LRRC47: variants seen among roughly 807,000 people sequenced by gnomAD.
LRRC47 encodes leucine rich repeat containing 47.
Under a neutral mutation model 40.9 loss-of-function variants are expected in LRRC47, and 31 were observed. The observed-to-expected ratio is 0.76, with a 90% CI of 0.57 to 1.02. The LOEUF (loss-of-function observed/expected upper bound fraction) is 1.02, where lower values mean the gene tolerates loss of function less well. Ranked by LOEUF, LRRC47 falls within the 50% of genes least tolerant of loss-of-function variation. The pLI, the probability that LRRC47 is intolerant of heterozygous loss-of-function variation, is 0.00. For synonymous variants in LRRC47, 427 were observed against 371.9 expected (o/e 1.15, Z -1.70); for missense variants, 726 against 796.1 (o/e 0.91, Z 1.06).
chr1:3,794,636 G>A (rs1205879694), intron 1 of LRRC47, among the ~76,000 whole-genome samples: 4 of 151,818 alleles, frequency 2.6e-5, no homozygotes, highest in African/African-American at 7.3e-5. Flanking sequence ...CACCGCGCCC[G>A]GCCAGGGTTT....
intron 4 of LRRC47, chr1:3,783,040 A>G: frequency 2.2e-6 from 1 of 454,938 alleles, no homozygotes; most frequent in Non-Finnish European, 4.0e-6. Flanking sequence ...TCCGGTGCTG[A>G]TCAGTAGTGG....
At position 3,780,411 on chromosome 1, in the gene LRRC47, C is replaced by T. The variant is rs1470590342; in HGVS notation, c.*677G>A. ...GGTAAGTGTCCGTCACTGACCCAGA[C>T]GCTGTTACGTGGCACATGACTGTAC... On this transcript the variant is annotated 3_prime_UTR_variant, in exon 7 of 7. Transcript: ENST00000378251. The T allele has an allele frequency of 3.9e-5, 6 of 152,104 alleles. No homozygotes were observed. Among genetic ancestry groups the T allele is most frequent in the East Asian group, 1.9e-4 (1 of 5,180 alleles). 9.4% of individuals were successfully genotyped at this position (152,104 alleles called of 1,614,324 possible). A position where few individuals can be genotyped will look rare whatever the true frequency, so the allele number is the denominator to read the frequency against.
At position 3,796,261 on chromosome 1, in the gene LRRC47, C is replaced by G; in HGVS notation, c.216G>C (p.Gln72His). ...SLRAPGPGLA[Q>H]GLPQLHSLVL... ...CGAGGCTGTGCAGCTGCGGCAGGCC[C>G]TGCGCCAGGCCAGGCCCCGGCGCGC... is the stretch of plus-strand genomic sequence containing the variant. The change falls in exon 1 of 7, where the codon CAG becomes CAC. Residue 72 changes from glutamine to histidine, a missense_variant. Transcript: ENST00000378251. The G allele has an allele frequency of 1.1e-5, 16 of 1,467,578 alleles. No individual in the cohort carries two copies. Among genetic ancestry groups the G allele is most frequent in the Non-Finnish European group, 1.3e-5 (15 of 1,118,450 alleles). 90.9% of individuals were successfully genotyped at this position (1,467,578 alleles called of 1,614,324 possible).
chr1:3,782,637 A>G (rs771528852), intron 5 of LRRC47, 24 bp downstream of exon 5: 6 of 1,317,658 alleles, frequency 4.6e-6, no homozygotes, highest in South Asian at 3.5e-5. Context: ...AAGACACACC[A>G]TGTTCACACA....
intron 3 of LRRC47, among the ~76,000 whole-genome samples, chr1:3,784,698 C>T (rs939573650): frequency 6.6e-6 from 1 of 152,228 alleles, no homozygotes; most frequent in Non-Finnish European, 1.5e-5. Context: ...GGATCCTACT[C>T]TAAAGAAAAT....
intron 4 of LRRC47, among the ~76,000 whole-genome samples, chr1:3,783,325 C>T (rs1428061083): frequency 8.7e-5 from 13 of 149,360 alleles, no homozygotes; most frequent in African/African-American, 2.7e-4. Context: ...GAGGCTGAGG[C>T]GGCAGAATCG....
intron 1 of LRRC47, among the ~76,000 whole-genome samples, chr1:3,794,251 G>A (rs1391272396): frequency 6.6e-6 from 1 of 152,170 alleles, no homozygotes; most frequent in Non-Finnish European, 1.5e-5. Context: ...GGCTCTACAT[G>A]TGTAAAACTT....
intron 6 of LRRC47, 21 bp downstream of exon 6, chr1:3,781,491 G>A (rs970112984): frequency 1.2e-6 from 2 of 1,610,062 alleles, no homozygotes; most frequent in African/African-American, 1.3e-5. Flanking sequence ...CGTTTCTCAG[G>A]AGGAGCCACC....
chr1:3,790,787 G>T (rs2124613868), intron 1 of LRRC47, among the ~76,000 whole-genome samples: 1 of 152,340 alleles, frequency 6.6e-6, no homozygotes, highest in South Asian at 2.1e-4. Context: ...GCCCAGGCTT[G>T]GGGGTGCTCC....
chr1:3,783,105 C>A, intron 4 of LRRC47: 9 of 180,138 alleles, frequency 5.0e-5, no homozygotes, highest in Middle Eastern at 2.3e-3. Context: ...GGCGCGACCA[C>A]ATCTTAAAAA....
intron 5 of LRRC47, among the ~76,000 whole-genome samples, chr1:3,782,420 G>A (rs958434667): frequency 2.6e-5 from 4 of 152,014 alleles, no homozygotes; most frequent in African/African-American, 9.7e-5. Context: ...TCAGCCTCCC[G>A]AGTAGCTGGG....
At chr1:3,791,133 G>C (rs1643622763) in intron 1 of LRRC47, among the ~76,000 whole-genome samples, 1 of 151,642 alleles carries the variant, frequency 6.6e-6, no homozygotes, top group Middle Eastern at 3.2e-3. Flanking sequence ...CGGCAGCCCA[G>C]CCCTGAGCCC....
At chr1:3,784,238 A>G in intron 3 of LRRC47, 127 bp from the exon 4 acceptor site, 2 of 772,908 alleles carry the variant, frequency 2.6e-6, no homozygotes, top group Admixed American at 4.5e-5. Flanking sequence ...TACAGCAGGC[A>G]GGGAGCATCC....
intron 3 of LRRC47, 150 bp from the exon 4 acceptor site, chr1:3,784,261 C>T: frequency 1.5e-6 from 1 of 653,006 alleles, no homozygotes; most frequent in South Asian, 1.9e-5. Flanking sequence ...CGGGACCACG[C>T]AGCAAGAAGC....
chr1:3,788,017 T>C (rs1053377732), intron 1 of LRRC47, among the ~76,000 whole-genome samples: 3 of 152,162 alleles, frequency 2.0e-5, no homozygotes, highest in African/African-American at 7.2e-5. Context: ...CCGTGACTGA[T>C]CAGACTTTGG....
chr1:3,793,069 GAA>G (rs1448679553), intron 1 of LRRC47, among the ~76,000 whole-genome samples: 1 of 151,892 alleles, frequency 6.6e-6, no homozygotes, highest in Non-Finnish European at 1.5e-5. Context: ...TTATGGTGGT[GAA>G]AGAGATCTGA....
chr1:3,787,064 T>C lies in LRRC47; in HGVS notation c.862A>G (p.Lys288Glu). Reference protein sequence around the residue: ...EESRRKRRERKQRREGGDGEE... With the variant: ...EESRRKRREREQRREGGDGEE... Reference sequence around the variant, plus strand: ...CCATCACCACCTTCCCGCCTCTGCTTCCTCTCCCTCCTCTTCCTCCGGCTC... The same window carrying C: ...CCATCACCACCTTCCCGCCTCTGCTCCCTCTCCCTCCTCTTCCTCCGGCTC... Residue 288 changes from lysine (K) to glutamate (E), a missense_variant, in exon 2 of 7, where the codon AAG (lysine) becomes GAG (glutamate). Physicochemically the swap from Lys to Glu is moderately conservative, Grantham distance 56 (BLOSUM62 1). Coordinates refer to ENST00000378251, the MANE Select transcript of LRRC47 (RefSeq NM_020710.3). 6.2e-7 allele frequency: 1 copy of C among 1,613,800 alleles called. No homozygotes were observed. Among genetic ancestry groups the C allele is most frequent in the Non-Finnish European group, 8.5e-7 (1 of 1,179,894 alleles).
chr1:3,786,716 A>C, intron 2 of LRRC47, 133 bp downstream of exon 2: 1 of 842,390 alleles, frequency 1.2e-6, no homozygotes, highest in Non-Finnish European at 1.8e-6. Flanking sequence ...GAGGAAACTG[A>C]AGCACACAGA....
chr1:3,789,383 TGA>T (rs562324865), intron 1 of LRRC47, among the ~76,000 whole-genome samples: 85 of 152,382 alleles, frequency 5.6e-4, no homozygotes, highest in Middle Eastern at 3.4e-3. Flanking sequence ...TCAAAAAGCT[TGA>T]GAGTTCCCCT....
Sources: gnomAD v4.1 joint callset for allele counts (sites outside exome capture counted in the v4.1 genomes callset) on GRCh38, gnomAD v4.1.1 for gene constraint, MANE v1.5 for transcripts, NCBI Gene and HGNC (gene_info 2026-07-23, HGNC 2026-07-21) for gene names.